The following GGTA1 variants were observed in gnomAD, a reference collection of about 807,000 sequenced individuals.
GGTA1 encodes glycoprotein alpha-galactosyltransferase 1 (inactive), also known as inactive N-acetyllactosaminide alpha-1,3-galactosyltransferase.
In GGTA1, 5 loss-of-function variants were observed where a neutral mutation model predicts 2.6. The ratio of observed to expected loss-of-function variants is 1.92; its 90% CI spans 1.00 to 4.04. The LOEUF is 4.04. Among genes scored for constraint, GGTA1 ranks in the 30% most tolerant of loss-of-function variants. The probability of loss-of-function intolerance (pLI) is 0.00; values close to 1 mark genes in which losing one functional copy is unlikely to be tolerated. For missense variants in GGTA1, 50 were observed against 16.7 expected (o/e 2.99, Z -3.47); for synonymous variants, 17 against 5.0 (o/e 3.38, Z -3.19).
intron 1 of GGTA1, among the ~76,000 whole-genome samples, chr9:121,495,161 C>CTG (rs1393242437): frequency 6.6e-6 from 1 of 151,334 alleles, no homozygotes; most frequent in Non-Finnish European, 1.5e-5. Flanking sequence ...CTCAGGTGAT[C>CTG]TGCCCACCTT....
At chr9:121,464,823 A>C (rs988136702) in intron 2 of GGTA1, among the ~76,000 whole-genome samples, 11 of 152,138 alleles carry the variant, frequency 7.2e-5, no homozygotes, top group Non-Finnish European at 1.5e-5. Flanking sequence ...GCTATCCTAG[A>C]TGATATTCTT....
chr9:121,485,145 G>T (rs1401818318), intron 1 of GGTA1, among the ~76,000 whole-genome samples: 1 of 152,200 alleles, frequency 6.6e-6, no homozygotes. Context: ...CCAGATAAAT[G>T]CTGAACAAAT....
intron 1 of GGTA1, among the ~76,000 whole-genome samples, chr9:121,478,486 G>A (rs1035417813): frequency 6.6e-6 from 1 of 152,194 alleles, no homozygotes; most frequent in African/African-American, 2.4e-5. Context: ...CCCAGGCCCA[G>A]CCCTTGGCAT....
At chr9:121,494,432 A>C (rs556986666) in intron 1 of GGTA1, 1 of 152,382 alleles carries the variant, frequency 6.6e-6, no homozygotes, top group Admixed American at 6.5e-5. Context: ...AAGCTGAGCC[A>C]ATCAGCTCTT....
chr9:121,493,178 C>T (rs1828906754), intron 1 of GGTA1, among the ~76,000 whole-genome samples: 3 of 151,866 alleles, frequency 2.0e-5, no homozygotes, highest in Admixed American at 2.0e-4. Context: ...AGGATCTGGC[C>T]TCTCTCTGCC....
rs1828503240 is a variant in GGTA1, at chr9:121,476,075, AATG to A, written c.-9-8147_-9-8145del. ...ATGCCCCCCACACAGTACCTATAAT[AATG>A]ATGATGCTTTTTAATGGGAGAAATT... On this transcript the variant is annotated intron_variant, in intron 1 of 5. Coordinates refer to ENST00000481799, the MANE Select transcript of GGTA1 (RefSeq NM_001382585.1). The surrounding 1 kb of genome is among the most constrained non-coding windows in gnomAD (Gnocchi z 4.6). 6.6e-6 allele frequency among the ~76,000 whole-genome samples: 1 copy of A among 152,140 alleles called. No homozygotes were observed. The highest frequency in any genetic ancestry group is 2.4e-5 in the African/African-American group (1 of 41,428).
chr9:121,450,119 T>C (rs558761704), downstream of GGTA1, among the ~76,000 whole-genome samples: 1 of 152,310 alleles, frequency 6.6e-6, no homozygotes, highest in Admixed American at 6.5e-5. Context: ...TCCCTTTATT[T>C]GTTACCAAAA....
chr9:121,463,208 G>C (rs1431416828), intron 3 of GGTA1, 85 bp downstream of exon 3: 3 of 438,040 alleles, frequency 6.8e-6, no homozygotes, highest in Admixed American at 2.8e-5. Context: ...ACCATGGCTG[G>C]CTGCCGTGTG....
intron 1 of GGTA1, among the ~76,000 whole-genome samples, chr9:121,478,896 T>C (rs894192892): frequency 6.6e-6 from 1 of 152,048 alleles, no homozygotes; most frequent in African/African-American, 2.4e-5. Flanking sequence ...TGAAAGATGC[T>C]ACACAATTCT....
chr9:121,480,530 G>A (rs1317972027), intron 1 of GGTA1, among the ~76,000 whole-genome samples: 1 of 152,140 alleles, frequency 6.6e-6, no homozygotes, highest in East Asian at 1.9e-4. Context: ...TCTCCAGGGA[G>A]TACAGTCTGG....
At chr9:121,477,813 C>T (rs576736947) in intron 1 of GGTA1, among the ~76,000 whole-genome samples, 54 of 152,038 alleles carry the variant, frequency 3.6e-4, no homozygotes, top group African/African-American at 1.3e-3. Flanking sequence ...TTCCTGACCT[C>T]GTGATCTGCT....
chr9:121,475,284 C>A (rs1016950243), intron 1 of GGTA1, among the ~76,000 whole-genome samples: 34 of 152,266 alleles, frequency 2.2e-4, no homozygotes, highest in Middle Eastern at 3.4e-3. Flanking sequence ...AGGAAGTTAC[C>A]CTATATGGTC....
intron 1 of GGTA1, among the ~76,000 whole-genome samples, chr9:121,488,892 G>A (rs937646974): frequency 7.2e-5 from 11 of 152,160 alleles, no homozygotes; most frequent in African/African-American, 2.7e-4. Flanking sequence ...CTGGGCAACA[G>A]AGCCAGAGTC....
At chr9:121,486,140 G>C (rs1211543011) in intron 1 of GGTA1, among the ~76,000 whole-genome samples, 1 of 152,182 alleles carries the variant, frequency 6.6e-6, no homozygotes, top group African/African-American at 2.4e-5. Flanking sequence ...AACTCCACTT[G>C]AGTCCAGGCT....
chr9:121,461,663 C>T (rs551452722), intron 3 of GGTA1, among the ~76,000 whole-genome samples: 1 of 152,148 alleles, frequency 6.6e-6, no homozygotes, highest in East Asian at 1.9e-4. Context: ...GACATTTTCC[C>T]TCTCTGAATT....
At chr9:121,465,952 G>A (rs925094785) in intron 2 of GGTA1, among the ~76,000 whole-genome samples, 9 of 151,982 alleles carry the variant, frequency 5.9e-5, no homozygotes, top group Non-Finnish European at 1.2e-4. Flanking sequence ...GCCTTACTCT[G>A]TCACCCAGGC....
chr9:121,485,431 G>A (rs985976876), intron 1 of GGTA1, among the ~76,000 whole-genome samples: 1 of 152,192 alleles, frequency 6.6e-6, no homozygotes, highest in African/African-American at 2.4e-5. Context: ...ACAGGATTTT[G>A]CAAGGTTGTT....
At chr9:121,496,757 A>AAAAAAAAAAAAAAGAGAG (rs1554838784) in intron 1 of GGTA1, among the ~76,000 whole-genome samples, 9 of 111,914 alleles carry the variant, frequency 8.0e-5, no homozygotes, top group South Asian at 5.3e-4. Flanking sequence ...AAAAAAAAAA[A>AAAAAAAAAAAAAAGAGAG]AGAGAGAGAG....
At chr9:121,463,261 T>A (rs2064975692) in intron 3 of GGTA1, 32 bp downstream of exon 3, 1 of 452,322 alleles carries the variant, frequency 2.2e-6, no homozygotes, top group Admixed American at 2.4e-5. Context: ...GTGGGAAACA[T>A]CCCCTAGAAA....
Sources: gnomAD v4.1 joint callset for allele counts (sites outside exome capture counted in the v4.1 genomes callset) on GRCh38, gnomAD v4.1.1 for gene constraint, Gnocchi (gnomAD v3.1) non-coding constraint, MANE v1.5 for transcripts, NCBI Gene and HGNC (gene_info 2026-07-23, HGNC 2026-07-21) for gene names.